The following TENM2 variants were observed in gnomAD, a reference collection of about 807,000 sequenced individuals.
The protein encoded by TENM2 is teneurin-2.
Under a neutral mutation model 245.2 loss-of-function variants are expected in TENM2, and 52 were observed. The ratio of observed to expected loss-of-function variants is 0.21; its 90% confidence interval spans 0.17 to 0.27. The LOEUF (loss-of-function observed/expected upper bound fraction) is 0.27. TENM2 is among the 10% of genes least tolerant of loss of function. The pLI is 1.00. For synonymous variants in TENM2, 1,363 were observed against 1,438.9 expected, an observed-to-expected ratio of 0.95 and a Z score of 1.19; for missense variants, 3,046 against 3,666.8, an observed-to-expected ratio of 0.83 and a Z score of 4.37.
intron 3 of TENM2, among the ~76,000 whole-genome samples, chr5:167,939,582 C>T (rs1421240516): frequency 6.6e-6 from 1 of 152,170 alleles, no homozygotes; most frequent in Non-Finnish European, 1.5e-5. Context: ...CAATATATAA[C>T]GTGTTGATGT....
intron 4 of TENM2, among the ~76,000 whole-genome samples, chr5:167,956,972 T>G (rs958194592): frequency 1.3e-5 from 2 of 152,324 alleles, no homozygotes; most frequent in African/African-American, 4.8e-5. Context: ...GCTATCAGGA[T>G]GATGCTGGCC....
chr5:167,986,455 C>G (rs893178048), intron 4 of TENM2, among the ~76,000 whole-genome samples: 6 of 152,170 alleles, frequency 3.9e-5, no homozygotes, highest in Non-Finnish European at 8.8e-5. Context: ...AGCTCCCATC[C>G]CCCGCATGAC....
intron 28 of TENM2, among the ~76,000 whole-genome samples, chr5:168,260,843 A>G (rs919922958): frequency 5.3e-5 from 8 of 152,206 alleles, no homozygotes; most frequent in African/African-American, 1.7e-4. Flanking sequence ...CTTTATGGCC[A>G]AGCATATACA....
intron 2 of TENM2, among the ~76,000 whole-genome samples, chr5:167,398,850 T>C (rs1463879521): frequency 6.6e-6 from 1 of 152,180 alleles, no homozygotes; most frequent in African/African-American, 2.4e-5. Flanking sequence ...TCATGCATAG[T>C]ACCGATTATT....
intron 2 of TENM2, among the ~76,000 whole-genome samples, chr5:167,633,498 T>C (rs757528763): frequency 2.0e-5 from 3 of 152,126 alleles, no homozygotes; most frequent in Admixed American, 6.5e-5. Context: ...AGTCAAAATA[T>C]TCTTGAAAAC....
chr5:167,777,166 G>A (rs1763865337), intron 2 of TENM2, among the ~76,000 whole-genome samples: 1 of 152,218 alleles, frequency 6.6e-6, no homozygotes, highest in Non-Finnish European at 1.5e-5. Context: ...GACAGAGAGT[G>A]TGAGCTAATC....
At chr5:167,401,844 T>C (rs1171197582) in intron 2 of TENM2, among the ~76,000 whole-genome samples, 1 of 152,146 alleles carries the variant, frequency 6.6e-6, no homozygotes, top group African/African-American at 2.4e-5. Context: ...CAGTTGTAAC[T>C]TTCTCTTGTC....
intron 1 of TENM2, among the ~76,000 whole-genome samples, chr5:167,298,516 T>C (rs925201171): frequency 2.6e-4 from 39 of 152,062 alleles, no homozygotes; most frequent in Admixed American, 2.3e-3. Context: ...GGCAGGAGAA[T>C]GGCGTAAACC....
At chr5:167,295,834 C>G (rs1197105848) in intron 1 of TENM2, among the ~76,000 whole-genome samples, 1 of 152,148 alleles carries the variant, frequency 6.6e-6, no homozygotes, top group Non-Finnish European at 1.5e-5. Flanking sequence ...CTCAATATTC[C>G]TCCTGCACTG....
chr5:168,123,531 G>A (rs747841514), intron 10 of TENM2, among the ~76,000 whole-genome samples: 3 of 152,238 alleles, frequency 2.0e-5, no homozygotes, highest in Non-Finnish European at 2.9e-5. Flanking sequence ...ACCATAAGAC[G>A]GTACGCATAC....
chr5:167,227,231 G>T, the TENM2 span, among the ~76,000 whole-genome samples: 2 of 151,826 alleles, frequency 1.3e-5, no homozygotes, highest in Non-Finnish European at 2.9e-5. Flanking sequence ...TTGTTTTCTA[G>T]TTCTTTCATA....
At chr5:167,198,084 T>C in the TENM2 span, among the ~76,000 whole-genome samples, 17 of 152,026 alleles carry the variant, frequency 1.1e-4, no homozygotes, top group African/African-American at 4.1e-4. Flanking sequence ...GAGACTACAA[T>C]TTCAAACTGC....
At chr5:167,747,064 A>AAAT (rs1482154160) in intron 2 of TENM2, among the ~76,000 whole-genome samples, 1 of 152,196 alleles carries the variant, frequency 6.6e-6, no homozygotes, top group Non-Finnish European at 1.5e-5. Context: ...TGCTATGAAG[A>AAAT]AATAGAGTAT....
At chr5:167,719,620 T>C (rs10045430) in intron 2 of TENM2, among the ~76,000 whole-genome samples, 33,129 of 152,162 alleles carry the variant, frequency 0.22, 4,161 homozygotes, top group East Asian at 0.41. Flanking sequence ...CAGAAGAAAG[T>C]AAAATCTAAA....
chr5:167,890,868 C>T (rs1259176075), intron 3 of TENM2, among the ~76,000 whole-genome samples: 1 of 152,270 alleles, frequency 6.6e-6, no homozygotes, highest in East Asian at 1.9e-4. Context: ...ACCATCTTTA[C>T]TTTTAGGAAA....
chr5:168,193,769 T>G (rs1217053882), intron 14 of TENM2, among the ~76,000 whole-genome samples: 1 of 152,230 alleles, frequency 6.6e-6, no homozygotes, highest in African/African-American at 2.4e-5. Flanking sequence ...AAGTAGTGTC[T>G]GGTAAGGTCT....
intron 2 of TENM2, among the ~76,000 whole-genome samples, chr5:167,631,164 G>A (rs1778842335): frequency 1.3e-5 from 2 of 151,928 alleles, no homozygotes; most frequent in East Asian, 3.9e-4. Context: ...TTGCATTACA[G>A]TTGAGAAAAA....
chr5:167,026,676 G>A, the TENM2 span, among the ~76,000 whole-genome samples: 1 of 152,152 alleles, frequency 6.6e-6, no homozygotes, highest in African/African-American at 2.4e-5. Context: ...CTGATTCCCG[G>A]TGAGGCGTAT....
chr5:167,020,053 C>G, the TENM2 span, among the ~76,000 whole-genome samples: 15 of 152,246 alleles, frequency 9.9e-5, no homozygotes, highest in Admixed American at 6.5e-4. Flanking sequence ...ATGGATCCAG[C>G]CCTGTGCCCT....
Sources: gnomAD v4.1 joint callset for allele counts (sites outside exome capture counted in the v4.1 genomes callset) on GRCh38, gnomAD v4.1.1 for gene constraint, MANE v1.5 for transcripts, NCBI Gene and HGNC (gene_info 2026-07-23, HGNC 2026-07-21) for gene names.